Variants in SIMC1 observed in about 807,000 individuals in gnomAD.
SIMC1 encodes the protein SUMO interacting motifs containing 1, also known as SUMO-interacting motif-containing protein 1.
SIMC1 carries 55 observed loss-of-function variants against 82.3 expected under a neutral mutation model. The observed-to-expected ratio is 0.67, with a 90% CI of 0.54 to 0.84. The LOEUF (loss-of-function observed/expected upper bound fraction) is 0.84, where lower values mean the gene tolerates loss of function less well. Among genes scored for constraint, SIMC1 ranks in the 40% least tolerant of loss-of-function variants. SIMC1 has a pLI of 0.00. For missense variants in SIMC1, 915 were observed against 1,107.2 expected (o/e 0.83, Z 2.46); for synonymous variants, 353 against 426.3 (o/e 0.83, Z 2.12).
chr5:176,268,217 T>A (rs1253086400), intron 1 of SIMC1, among the ~76,000 whole-genome samples: 1 of 100,492 alleles, frequency 1.0e-5, no homozygotes, highest in Non-Finnish European at 2.0e-5. Flanking sequence ...GTCACTAGCA[T>A]AAAGGGAGGT....
At position 176,345,484 on chromosome 5, in the gene SIMC1, ACT is replaced by A. The variant is rs1766420809; in HGVS notation, c.*47_*48del. On this transcript the variant is annotated 3_prime_UTR_variant, in exon 10 of 10. Transcript: ENST00000429602. ...ACTGAATGCCAAGAATACCTCCTGAACTCTCTCTCCAACTGCTCAGAAGCTCT... is the reference window on the plus strand; with the variant it reads ...ACTGAATGCCAAGAATACCTCCTGAACTCTCTCCAACTGCTCAGAAGCTCT... 4 of 1,580,066 alleles carry A rather than the reference ACT, an allele frequency of 2.5e-6. No individual in the cohort carries two copies. Among genetic ancestry groups the A allele is most frequent in the Admixed American group, 1.8e-5 (1 of 54,732 alleles).
At chr5:176,254,194 T>C (rs2113129095) in intron 1 of SIMC1, among the ~76,000 whole-genome samples, 1 of 152,190 alleles carries the variant, frequency 6.6e-6, no homozygotes, top group Non-Finnish European at 1.5e-5. Flanking sequence ...GACTAAAGGA[T>C]CCCTTAAACC....
chr5:176,296,451 C>T, intron 4 of SIMC1, 131 bp downstream of exon 4: 1 of 1,461,270 alleles, frequency 6.8e-7, no homozygotes, highest in East Asian at 2.4e-5. Flanking sequence ...ACAGTTTGAG[C>T]CCAGGAGTTC....
chr5:176,291,678 T>C (rs1457163762), intron 2 of SIMC1, among the ~76,000 whole-genome samples: 2 of 150,116 alleles, frequency 1.3e-5, no homozygotes, highest in African/African-American at 4.9e-5. Flanking sequence ...CAGGGTTTCA[T>C]TGTGTTAGCC....
At chr5:176,327,811 C>T (rs962856188) in intron 7 of SIMC1, among the ~76,000 whole-genome samples, 3 of 152,144 alleles carry the variant, frequency 2.0e-5, no homozygotes, top group Non-Finnish European at 4.4e-5. Flanking sequence ...TTGAAATTTG[C>T]CAAATATGTT....
rs150243423 is a variant in SIMC1 at position 176,288,423 on chromosome 5, G to GAATAAATAAATAAATAAATA, written c.130-1215_130-1196dup. 6.7e-3 allele frequency among the ~76,000 whole-genome samples: 852 copies of GAATAAATAAATAAATAAATA among 126,768 alleles called. 8 individuals carry two copies. Among genetic ancestry groups the GAATAAATAAATAAATAAATA allele is most frequent in the East Asian group, 0.013 (58 of 4,328 alleles). The allele number at this position is 126,768 out of a possible 152,430, so 83.2% of individuals were successfully genotyped here. On this transcript the variant is annotated intron_variant, in intron 1 of 9. Coordinates refer to ENST00000429602, the MANE Select transcript of SIMC1 (RefSeq NM_001308195.2). The stretch of plus-strand genomic sequence containing the variant: ...GACTCCATCTCAAGAATGAATGAAT[G>GAATAAATAAATAAATAAATA]AATAAATAAATAAATAAATAAATAA...
chr5:176,260,557 T>G (rs1006617772), intron 1 of SIMC1, among the ~76,000 whole-genome samples: 4 of 152,192 alleles, frequency 2.6e-5, no homozygotes, highest in African/African-American at 7.2e-5. Context: ...TGATGAATCC[T>G]CTTGCATGGT....
At chr5:176,319,467 A>G (rs757170203) in intron 5 of SIMC1, among the ~76,000 whole-genome samples, 9 of 152,030 alleles carry the variant, frequency 5.9e-5, no homozygotes, top group African/African-American at 9.7e-5. Context: ...TCAGGAGTTC[A>G]GTGAGCTGTG....
chr5:176,275,660 T>C (rs1271927436), intron 1 of SIMC1, among the ~76,000 whole-genome samples: 3 of 151,898 alleles, frequency 2.0e-5, no homozygotes, highest in Non-Finnish European at 4.4e-5. Flanking sequence ...AACACCTAAT[T>C]TATTGAGAGT....
intron 1 of SIMC1, among the ~76,000 whole-genome samples, chr5:176,256,549 TAAC>T (rs751242305): frequency 2.3e-4 from 35 of 152,340 alleles, no homozygotes; most frequent in South Asian, 6.2e-4. Context: ...ATTTCTAAGA[TAAC>T]AACAAATCTA....
chr5:176,260,831 A>G (rs1761989303), intron 1 of SIMC1, among the ~76,000 whole-genome samples: 1 of 152,174 alleles, frequency 6.6e-6, no homozygotes, highest in African/African-American at 2.4e-5. Flanking sequence ...GCAGATGCGC[A>G]GAAATGGCAG....
Position 176,290,503 on chromosome 5 carries a change from G to C in SIMC1, c.979G>C (p.Asp327His), listed in dbSNP as rs773263129. Residue 327 changes from aspartate to histidine, a missense_variant, in exon 2 of 10, where the codon GAT becomes CAT. This residue lies in a region of SIMC1 where 902 missense variants were observed against 1,040.3 expected (regional missense o/e 0.87). Coordinates refer to ENST00000429602, the MANE Select transcript of SIMC1 (RefSeq NM_001308195.2). The part of the protein sequence containing the change: ...QSPSDVSPSP[D>H]APQSPGGMPH... ...ACCAAGTGATGTTTCACCGTCACCA[G>C]ATGCACCACAGTCACCAGGGGGCAT... The C allele has an allele frequency of 7.0e-5, 113 of 1,613,942 alleles. 1 individual carries two copies. The Middle Eastern group carries it at 2.1e-3, about 31-fold the overall frequency.
intron 1 of SIMC1, among the ~76,000 whole-genome samples, chr5:176,258,900 C>G (rs1049113413): frequency 1.1e-4 from 16 of 151,910 alleles, no homozygotes; most frequent in Non-Finnish European, 2.1e-4. Flanking sequence ...TCCTTCCTGT[C>G]TGGTAGGGAT....
At chr5:176,253,533 C>T (rs1049155417) in intron 1 of SIMC1, among the ~76,000 whole-genome samples, 1 of 152,004 alleles carries the variant, frequency 6.6e-6, no homozygotes, top group African/African-American at 2.4e-5. Flanking sequence ...TTTTGATATC[C>T]CTCAGTGCCA....
chr5:176,343,626 G>A (rs1178947124), intron 9 of SIMC1, among the ~76,000 whole-genome samples: 1 of 152,122 alleles, frequency 6.6e-6, no homozygotes, highest in East Asian at 1.9e-4. Context: ...ATTGATCCAT[G>A]TATATACCAT....
At chr5:176,327,483 AT>A (rs1316940425) in intron 7 of SIMC1, among the ~76,000 whole-genome samples, 1 of 152,142 alleles carries the variant, frequency 6.6e-6, no homozygotes, top group Admixed American at 6.6e-5. Context: ...TTCTAGTAGG[AT>A]TTTTGTTTGT....
intron 4 of SIMC1, among the ~76,000 whole-genome samples, chr5:176,303,962 A>C (rs1764156332): frequency 6.6e-6 from 1 of 152,224 alleles, no homozygotes. Context: ...TGAAGAAAGC[A>C]TGGGGCAAAG....
At position 176,289,820 on chromosome 5, in the gene SIMC1, C is replaced by T. The variant is rs1214871718; in HGVS notation, c.296C>T (p.Thr99Ile). The T allele has an allele frequency of 1.2e-6, 2 of 1,613,962 alleles. No homozygotes were observed. The highest frequency in any genetic ancestry group is 3.3e-5 in the Admixed American group (2 of 60,020). ...PSQKEPTSLQTCASLSGKAVM... is the reference protein window; with the variant it reads ...PSQKEPTSLQICASLSGKAVM... ...CAGAAGGAGCCAACCAGTCTTCAGA[C>T]ATGTGCCAGCCTCTCTGGCAAAGCG... Residue 99 changes from threonine (T) to isoleucine (I), a missense_variant, in exon 2 of 10, where the codon ACA (threonine) becomes ATA (isoleucine). By Grantham distance (89) the Thr-to-Ile change is moderately conservative. Transcript: ENST00000429602.
chr5:176,242,063 C>T (rs1761294320), intron 1 of SIMC1, among the ~76,000 whole-genome samples: 1 of 151,970 alleles, frequency 6.6e-6, no homozygotes, highest in South Asian at 2.1e-4. Flanking sequence ...GGAAAAAAAC[C>T]CAGGAGAGAA....
Sources: allele counts gnomAD v4.1 joint callset (sites outside exome capture counted in the v4.1 genomes callset), GRCh38; gene constraint gnomAD v4.1.1; regional missense constraint gnomAD v4.1.1; transcripts MANE v1.5; gene names NCBI Gene and HGNC (gene_info 2026-07-23, HGNC 2026-07-21).